The following TBL1XR1 variants were observed in gnomAD, a reference collection of about 807,000 sequenced individuals.
TBL1XR1 encodes TBL1X/Y related 1, also known as F-box-like/WD repeat-containing protein TBL1XR1.
Under a neutral mutation model 66.9 loss-of-function variants are expected in TBL1XR1, and 5 were observed. The observed-to-expected ratio is 0.07, with a 90% CI of 0.04 to 0.16. TBL1XR1 has a LOEUF of 0.16. TBL1XR1 is among the 10% of genes least tolerant of loss of function. The probability of loss-of-function intolerance (pLI) is 1.00; values close to 1 mark genes in which losing one functional copy is unlikely to be tolerated. For synonymous variants in TBL1XR1, 210 were observed against 206.0 expected (o/e 1.02, Z -0.17); for missense variants, 238 against 623.2 (o/e 0.38, Z 6.58).
chr3:177,060,746 A>C (rs758850022), intron 3 of TBL1XR1, among the ~76,000 whole-genome samples: 4 of 152,244 alleles, frequency 2.6e-5, no homozygotes, highest in Non-Finnish European at 5.9e-5. Flanking sequence ...CTCTAAAATT[A>C]ACACTGTATC....
chr3:177,056,093 T>C (rs987152188), intron 3 of TBL1XR1, among the ~76,000 whole-genome samples: 2 of 152,190 alleles, frequency 1.3e-5, no homozygotes, highest in Non-Finnish European at 2.9e-5. Context: ...TTTGTTTTCA[T>C]CTCAGGGTCC....
intron 2 of TBL1XR1, among the ~76,000 whole-genome samples, chr3:177,090,156 CT>C (rs1246922870): frequency 6.6e-6 from 1 of 152,132 alleles, no homozygotes; most frequent in African/African-American, 2.4e-5. Flanking sequence ...TAAAGACTAT[CT>C]CTATGTCCTG....
chr3:177,161,305 CT>C (rs981381889), intron 1 of TBL1XR1, among the ~76,000 whole-genome samples: 6 of 152,178 alleles, frequency 3.9e-5, no homozygotes, highest in African/African-American at 1.4e-4. Flanking sequence ...CTTAAGTTCT[CT>C]TTTCCCCAAA....
At chr3:177,163,663 T>C (rs1732484736) in intron 1 of TBL1XR1, among the ~76,000 whole-genome samples, 1 of 152,166 alleles carries the variant, frequency 6.6e-6, no homozygotes. Context: ...TAATTACTTT[T>C]ATATATATAA....
chr3:177,112,694 A>G (rs1725800260), intron 1 of TBL1XR1, among the ~76,000 whole-genome samples: 1 of 152,114 alleles, frequency 6.6e-6, no homozygotes, highest in Non-Finnish European at 1.5e-5. Flanking sequence ...AAGTATGAGA[A>G]CACTTTTTTG....
chr3:177,187,005 A>C (rs1735501033), intron 1 of TBL1XR1, among the ~76,000 whole-genome samples: 1 of 152,080 alleles, frequency 6.6e-6, no homozygotes, highest in South Asian at 2.1e-4. Flanking sequence ...TCTCTCCTAA[A>C]AACACAAAAA....
intron 1 of TBL1XR1, among the ~76,000 whole-genome samples, chr3:177,151,563 A>G (rs1210130334): frequency 3.3e-5 from 5 of 152,188 alleles, no homozygotes; most frequent in East Asian, 1.9e-4. Flanking sequence ...TGTCCGTGGA[A>G]AAACTGTCTT....
chr3:177,071,023 G>A (rs1719909908), intron 2 of TBL1XR1, among the ~76,000 whole-genome samples: 1 of 108,014 alleles, frequency 9.3e-6, no homozygotes, highest in Admixed American at 9.3e-5. Flanking sequence ...GACATGTTCT[G>A]AGAATCTGTT....
At chr3:177,098,335 T>TA (rs547794994) in intron 2 of TBL1XR1, 131 bp downstream of exon 2, 8,577 of 289,710 alleles carry the variant, frequency 0.03, 90 homozygotes, top group African/African-American at 0.047. Flanking sequence ...ATAAAAAATT[T>TA]AAAAAAAAAA....
intron 1 of TBL1XR1, among the ~76,000 whole-genome samples, chr3:177,151,421 A>T (rs1277692188): frequency 6.6e-6 from 1 of 152,180 alleles, no homozygotes; most frequent in Non-Finnish European, 1.5e-5. Flanking sequence ...TCCATCTCCT[A>T]TCAGATCAGC....
intron 1 of TBL1XR1, among the ~76,000 whole-genome samples, chr3:177,161,199 TCTGA>T (rs762180908): frequency 2.0e-5 from 3 of 152,186 alleles, no homozygotes; most frequent in South Asian, 2.1e-4. Context: ...TTCCTGTTTC[TCTGA>T]CTGTTTTGCC....
upstream of TBL1XR1, among the ~76,000 whole-genome samples, chr3:177,199,055 G>A (rs1047290389): frequency 8.5e-5 from 13 of 152,156 alleles, no homozygotes; most frequent in Non-Finnish European, 1.5e-4. Flanking sequence ...ATGACCTAGT[G>A]GGGCAGGGAG....
At chr3:177,172,236 G>A (rs1019929088) in intron 1 of TBL1XR1, among the ~76,000 whole-genome samples, 3 of 133,616 alleles carry the variant, frequency 2.2e-5, no homozygotes, top group Non-Finnish European at 3.1e-5. Flanking sequence ...GCTCCAGCTC[G>A]GGAGACAAAG....
intron 2 of TBL1XR1, 38 bp from the exon 3 acceptor site, chr3:177,065,060 A>G: frequency 7.8e-7 from 1 of 1,279,748 alleles, no homozygotes; most frequent in Non-Finnish European, 1.0e-6. Flanking sequence ...TCTCAGTAAA[A>G]TATTTTTAAA....
chr3:177,077,477 A>G (rs1720832225), intron 2 of TBL1XR1, among the ~76,000 whole-genome samples: 1 of 151,912 alleles, frequency 6.6e-6, no homozygotes, highest in African/African-American at 2.4e-5. Flanking sequence ...AAGCTTTAAA[A>G]ATCTACACGT....
At chr3:177,089,575 A>C (rs1286366470) in intron 2 of TBL1XR1, among the ~76,000 whole-genome samples, 1 of 152,152 alleles carries the variant, frequency 6.6e-6, no homozygotes, top group Non-Finnish European at 1.5e-5. Context: ...AACTTTCTAG[A>C]TCCACCTCTC....
rs34278942 is a variant in TBL1XR1 at position 177,171,702 on chromosome 3, CAAAA to C, written c.-122+25415_-122+25418del. 3.2e-4 allele frequency among the ~76,000 whole-genome samples: 15 copies of C among 47,292 alleles called. No individual in the cohort carries two copies. In the East Asian group the frequency reaches 4.3e-3, roughly 14 times the overall value. 31.0% of individuals were successfully genotyped at this position (47,292 alleles called of 152,430 possible). A position where few individuals can be genotyped will look rare whatever the true frequency, so the allele number is the denominator to read the frequency against. ...TGGGCAACAGAGCCAGACTCCGTCT[CAAAA>C]AAAAAAAAAAAAAAAAAAAAAGTTT... On this transcript the variant is annotated intron_variant, in intron 1 of 15. Coordinates refer to ENST00000457928, the MANE Select transcript of TBL1XR1 (RefSeq NM_024665.7).
chr3:177,047,583 T>C lies in TBL1XR1; in HGVS notation c.703-34A>G, dbSNP rs984348663. The C allele has an allele frequency of 7.0e-6, 11 of 1,576,338 alleles. No individual in the cohort carries two copies. The African/African-American group carries it at 1.2e-4, about 17-fold the overall frequency. ...GAAAAACATTTCTTTAATTATATAA[T>C]CTAGATACGGTATTTAATTGTTGTT... On this transcript the variant is annotated intron_variant, in intron 7 of 15. Coordinates refer to ENST00000457928, the MANE Select transcript of TBL1XR1 (RefSeq NM_024665.7).
intron 1 of TBL1XR1, among the ~76,000 whole-genome samples, chr3:177,171,930 A>G (rs1333951178): frequency 6.6e-6 from 1 of 152,130 alleles, no homozygotes; most frequent in Non-Finnish European, 1.5e-5. Flanking sequence ...AAAAGGTGGA[A>G]CAACTGTAGC....
Sources: allele counts gnomAD v4.1 joint callset (sites outside exome capture counted in the v4.1 genomes callset), GRCh38; gene constraint gnomAD v4.1.1; transcripts MANE v1.5; gene names NCBI Gene and HGNC (gene_info 2026-07-23, HGNC 2026-07-21).